Variants in KLRK1 observed in about 807,000 individuals in gnomAD.
KLRK1 encodes killer cell lectin like receptor K1.
In KLRK1, 40 loss-of-function variants were observed where a neutral mutation model predicts 31.3. That is an observed-to-expected ratio of 1.28 (90% CI 0.99 to 1.67). KLRK1 has a LOEUF of 1.67. Ranked by LOEUF, KLRK1 falls within the 40% of genes most tolerant of loss-of-function variation. The probability of loss-of-function intolerance (pLI) is 0.00; values close to 1 mark genes in which losing one functional copy is unlikely to be tolerated. For missense variants in KLRK1, 251 were observed against 260.0 expected (o/e 0.97, Z 0.24); for synonymous variants, 77 against 77.3 (o/e 1.00, Z 0.02).
At chr12:10,384,970 C>A (rs60077215) in intron 3 of KLRK1, among the ~76,000 whole-genome samples, 8,220 of 151,950 alleles carry the variant, frequency 0.054, 717 homozygotes, top group African/African-American at 0.19. Context: ...ATACAAATAG[C>A]CACAGATATA....
At chr12:10,375,508 C>T (rs1308069338) in intron 7 of KLRK1, among the ~76,000 whole-genome samples, 2 of 152,062 alleles carry the variant, frequency 1.3e-5, no homozygotes, top group Non-Finnish European at 2.9e-5. Context: ...ACAGGAAGCA[C>T]CTAATTAACC....
chr12:10,386,943 C>T lies in KLRK1; in HGVS notation c.108G>A (p.Lys36=), dbSNP rs1863176599. 6.2e-7 allele frequency: 1 copy of T among 1,611,662 alleles called. No individual in the cohort carries two copies. Among genetic ancestry groups the T allele is most frequent in the African/African-American group, 1.3e-5 (1 of 74,758 alleles). Residue 36 remains lysine (K), a synonymous_variant, in exon 3 of 8, where the codon AAG becomes AAA. Transcript: ENST00000240618. ...KKSDFSTRWQ[K]QRCPVVKSKC... is the part of the protein sequence containing the mutation. ...TGCTTTTGACTACTGGACATCTTTG[C>T]TTTTGCCATCGTGTTGAAAAATCAC...
intron 7 of KLRK1, among the ~76,000 whole-genome samples, chr12:10,373,544 A>C (rs1862901455): frequency 6.6e-6 from 1 of 152,216 alleles, no homozygotes; most frequent in South Asian, 2.1e-4. Flanking sequence ...TTTAAGTGAG[A>C]AATAAATTCA....
chr12:10,377,536 T>C (rs1862989076), intron 7 of KLRK1, among the ~76,000 whole-genome samples: 1 of 151,450 alleles, frequency 6.6e-6, no homozygotes, highest in Non-Finnish European at 1.5e-5. Context: ...AAATGATATA[T>C]ATTGTAGGAC....
chr12:10,378,862 A>G, intron 5 of KLRK1, 157 bp from the exon 6 acceptor site: 1 of 886,612 alleles, frequency 1.1e-6, no homozygotes, highest in South Asian at 2.2e-5. Flanking sequence ...ATATTCATAG[A>G]GAGAAGCCAG....
intron 3 of KLRK1, among the ~76,000 whole-genome samples, chr12:10,380,051 T>C (rs1863041601): frequency 7.3e-6 from 1 of 136,944 alleles, no homozygotes; most frequent in South Asian, 2.4e-4. Flanking sequence ...TGATTTTTTG[T>C]TGTTATTGTT....
rs1431697372 is a variant in KLRK1, at chr12:10,389,067, CA to C, written c.-65-193del. 96 of 451,252 alleles carry C rather than the reference CA, an allele frequency of 2.1e-4. No homozygotes were observed. In the Admixed American group the frequency reaches 3.4e-3, roughly 16 times the overall value. The allele number at this position is 451,252 out of a possible 1,614,324, so 28.0% of individuals were successfully genotyped here. On this transcript the variant is annotated intron_variant, in intron 1 of 7. Transcript: ENST00000240618. ...TTTCTCTTGGTTGTAAAATAATCGC[CA>C]ATTACTTCAAAATGTCATAACAATA...
chr12:10,386,602 TTTCTC>T (rs1168736553), intron 3 of KLRK1, among the ~76,000 whole-genome samples: 1 of 151,992 alleles, frequency 6.6e-6, no homozygotes, highest in East Asian at 1.9e-4. Flanking sequence ...TAAAATATCT[TTTCTC>T]TTCTCTTTTT....
At chr12:10,374,372 CT>C (rs1226995386) in intron 7 of KLRK1, among the ~76,000 whole-genome samples, 1 of 143,322 alleles carries the variant, frequency 7.0e-6, no homozygotes, top group Non-Finnish European at 1.5e-5. Context: ...GAGTCTCGTT[CT>C]TTTTTTCTTT....
intron 3 of KLRK1, chr12:10,382,053 C>A (rs984103656): frequency 3.9e-5 from 6 of 152,196 alleles, no homozygotes; most frequent in Non-Finnish European, 7.3e-5. Flanking sequence ...GCAGGAAGAA[C>A]CTTAGTCTCA....
At chr12:10,388,205 G>GT (rs1863202962) in intron 2 of KLRK1, among the ~76,000 whole-genome samples, 1 of 152,160 alleles carries the variant, frequency 6.6e-6, no homozygotes, top group Non-Finnish European at 1.5e-5. Flanking sequence ...GGAGTAAAGA[G>GT]AGTAGGTATC....
At chr12:10,383,712 G>A (rs1478233970) in intron 3 of KLRK1, among the ~76,000 whole-genome samples, 3 of 152,008 alleles carry the variant, frequency 2.0e-5, no homozygotes, top group African/African-American at 7.2e-5. Flanking sequence ...CTTCTTATCA[G>A]CACATGGAAC....
At chr12:10,382,428 G>C (rs983967879) in intron 3 of KLRK1, among the ~76,000 whole-genome samples, 1 of 152,056 alleles carries the variant, frequency 6.6e-6, no homozygotes, top group Non-Finnish European at 1.5e-5. Flanking sequence ...AGGCCAAGAG[G>C]AAGTGGGGTG....
intron 7 of KLRK1, among the ~76,000 whole-genome samples, chr12:10,377,357 C>A (rs1264055651): frequency 2.6e-5 from 4 of 152,110 alleles, no homozygotes; most frequent in Admixed American, 6.6e-5. Flanking sequence ...GATACAAATA[C>A]TTGTACACAA....
At chr12:10,374,084 G>T (rs1862914238) in intron 7 of KLRK1, 1 of 152,282 alleles carries the variant, frequency 6.6e-6, no homozygotes, top group Non-Finnish European at 1.5e-5. Flanking sequence ...TTCAATCTCG[G>T]CTCACTGCAA....
Position 10,372,852 on chromosome 12 carries a change from C to T in KLRK1, c.*262G>A. On this transcript the variant is annotated 3_prime_UTR_variant, in exon 8 of 8. Transcript: ENST00000240618. ...TTAAAACAGCACCCCTCCCCCAGCC[C>T]ATCCACTCTGGGCTTGTGGTGGGAG... 1 of 390,942 alleles carries T rather than the reference C, an allele frequency of 2.6e-6. No homozygotes were observed. 24.2% of individuals were successfully genotyped at this position (390,942 alleles called of 1,614,324 possible). A position where few individuals can be genotyped will look rare whatever the true frequency, so the allele number is the denominator to read the frequency against.
chr12:10,378,597 G>GACAT lies in KLRK1; in HGVS notation c.382_385dup (p.Ser129TyrfsTer20), dbSNP rs1397413590. 1 of 1,611,968 alleles carries GACAT rather than the reference G, an allele frequency of 6.2e-7. No homozygotes were observed. On this transcript the variant is annotated frameshift_variant, in exon 6 of 8. Coordinates refer to ENST00000240618, the MANE Select transcript of KLRK1 (RefSeq NM_007360.4). LOFTEE classifies it high-confidence loss of function. ...TACTTTCAGAAGGCTGGCATTTTGA[G>GACAT]ACATACAAGAAGCCTGGCTCTCATA...
chr12:10,382,698 C>T (rs1291213613), intron 3 of KLRK1, among the ~76,000 whole-genome samples: 1 of 152,090 alleles, frequency 6.6e-6, no homozygotes, highest in Non-Finnish European at 1.5e-5. Flanking sequence ...TCAGAATATT[C>T]TAATACTGTA....
At chr12:10,383,263 C>T (rs1863109658) in intron 3 of KLRK1, among the ~76,000 whole-genome samples, 1 of 151,964 alleles carries the variant, frequency 6.6e-6, no homozygotes, top group South Asian at 2.1e-4. Flanking sequence ...AAGAAACCCA[C>T]TTTGCTCATA....
Sources: allele counts gnomAD v4.1 joint callset (sites outside exome capture counted in the v4.1 genomes callset), GRCh38; gene constraint gnomAD v4.1.1; transcripts MANE v1.5; gene names NCBI Gene and HGNC (gene_info 2026-07-23, HGNC 2026-07-21).